The following AFF2 variants were observed in gnomAD, a reference collection of about 807,000 sequenced individuals.
The protein encoded by AFF2 is ALF transcription elongation factor 2, also known as AF4/FMR2 family member 2.
In AFF2, 14 loss-of-function variants were observed where a neutral mutation model predicts 76.9. The ratio of observed to expected loss-of-function variants is 0.18; its 90% CI spans 0.12 to 0.28. AFF2 has a LOEUF of 0.28. Among genes scored for constraint, AFF2 ranks in the 10% least tolerant of loss-of-function variants. AFF2 has a pLI of 1.00. For missense variants in AFF2, 868 were observed against 1,001.1 expected (o/e 0.87, Z 1.79); for synonymous variants, 398 against 366.7 (o/e 1.09, Z -0.98).
At chrX:148,534,707 G>A (rs1423936076) in intron 1 of AFF2, among the ~76,000 whole-genome samples, 1 of 112,536 alleles carries the variant, frequency 8.9e-6, no homozygotes, top group Non-Finnish European at 1.9e-5. Flanking sequence ...TATTAATGAT[G>A]ACAGAAAGAA....
intron 5 of AFF2, among the ~76,000 whole-genome samples, chrX:148,841,130 C>T (rs185338615): frequency 1.4e-4 from 16 of 111,632 alleles, no homozygotes; most frequent in Non-Finnish European, 5.7e-5. Flanking sequence ...AAGACCAGTA[C>T]AAAGACGGCC....
chrX:148,764,912 G>C (rs1209999844), intron 3 of AFF2, among the ~76,000 whole-genome samples: 1 of 112,254 alleles, frequency 8.9e-6, no homozygotes, highest in African/African-American at 3.2e-5. Flanking sequence ...CCCTTGACTG[G>C]GGGACTTTTC....
At chrX:148,864,074 C>T (rs2070879243) in intron 7 of AFF2, among the ~76,000 whole-genome samples, 1 of 111,461 alleles carries the variant, frequency 9.0e-6, no homozygotes, top group Non-Finnish European at 1.9e-5. Flanking sequence ...ATTGGTAAGC[C>T]TCAGTGTACT....
intron 1 of AFF2, among the ~76,000 whole-genome samples, chrX:148,609,695 C>G (rs1213424226): frequency 1.8e-5 from 2 of 111,655 alleles, no homozygotes; most frequent in Non-Finnish European, 3.8e-5. Flanking sequence ...TCAGTATGTG[C>G]GTTATAACCA....
rs781892198 is a variant in AFF2, at chrX:148,692,981, C to T, written c.1041+30213C>T. ...TCGCCCAGGCTGGAGTGCAGTGGCG[C>T]GATCTCGGCTCACTACAAGCTCCAC... On this transcript the variant is annotated intron_variant, in intron 3 of 20. Transcript: ENST00000370460. Among the ~76,000 whole-genome samples, 26 of 111,037 alleles carry T rather than the reference C, an allele frequency of 2.3e-4. No homozygotes were observed. The East Asian group carries it at 4.8e-3, about 21-fold the overall frequency.
chrX:148,877,763 C>G (rs2071051789), intron 7 of AFF2, among the ~76,000 whole-genome samples: 1 of 111,802 alleles, frequency 8.9e-6, no homozygotes, highest in African/African-American at 3.3e-5. Context: ...GGTCCTTGCC[C>G]CCATTGAGTT....
At chrX:148,653,091 C>T (rs1321604055) in intron 2 of AFF2, among the ~76,000 whole-genome samples, 3 of 110,949 alleles carry the variant, frequency 2.7e-5, no homozygotes, top group African/African-American at 9.8e-5. Flanking sequence ...CTGGTGAGAC[C>T]AGGTTCTTGT....
intron 1 of AFF2, among the ~76,000 whole-genome samples, chrX:148,568,906 C>T (rs782064986): frequency 7.2e-5 from 8 of 111,399 alleles, no homozygotes; most frequent in African/African-American, 2.0e-4. Context: ...GAGCATATTT[C>T]GTAATCTATA....
rs782445759 is a variant in AFF2 at position 148,786,271 on chromosome X, C to T, written c.1042-23605C>T. On this transcript the variant is annotated intron_variant, in intron 3 of 20. Coordinates refer to ENST00000370460, the MANE Select transcript of AFF2 (RefSeq NM_002025.4). Reference sequence around the variant, plus strand: ...GCCATTGAGTATTGTTCATGCCTTCCTCTTCTCATTTTCTATAGTCTGCCT... The same window carrying T: ...GCCATTGAGTATTGTTCATGCCTTCTTCTTCTCATTTTCTATAGTCTGCCT... Among the ~76,000 whole-genome samples the T allele has an allele frequency of 2.7e-5, 3 of 111,755 alleles. No individual in the cohort carries two copies. In the South Asian group the frequency reaches 1.1e-3, roughly 42 times the overall value.
At chrX:148,661,314 C>T (rs2054301862) in intron 2 of AFF2, among the ~76,000 whole-genome samples, 1 of 112,412 alleles carries the variant, frequency 8.9e-6, no homozygotes, top group East Asian at 2.8e-4. Context: ...GTAATTCATA[C>T]AGTTCTTTGA....
intron 3 of AFF2, among the ~76,000 whole-genome samples, chrX:148,777,372 G>T (rs1278895221): frequency 8.9e-6 from 1 of 111,922 alleles, no homozygotes; most frequent in Non-Finnish European, 1.9e-5. Context: ...ATTTAAAGTA[G>T]TTTTTTCTAA....
At chrX:148,796,861 A>G (rs2069990489) in intron 3 of AFF2, among the ~76,000 whole-genome samples, 1 of 112,310 alleles carries the variant, frequency 8.9e-6, no homozygotes, top group South Asian at 3.7e-4. Context: ...TATTTTCACT[A>G]CCATTTAGCA....
chrX:148,913,173 T>C (rs2071490337), intron 9 of AFF2, among the ~76,000 whole-genome samples: 1 of 112,137 alleles, frequency 8.9e-6, no homozygotes, highest in South Asian at 3.7e-4. Flanking sequence ...ATCTAGGCAA[T>C]CTCAGATGAG....
chrX:148,551,200 C>T (rs1379089633), intron 1 of AFF2, among the ~76,000 whole-genome samples: 1 of 110,427 alleles, frequency 9.1e-6, no homozygotes, highest in South Asian at 3.8e-4. Flanking sequence ...CTACACTACT[C>T]TCTTCTCTTT....
intron 3 of AFF2, among the ~76,000 whole-genome samples, chrX:148,752,945 C>CA (rs1246773567): frequency 9.0e-6 from 1 of 111,645 alleles, no homozygotes; most frequent in Non-Finnish European, 1.9e-5. Context: ...CATTAAAACT[C>CA]AATCTTTTCT....
rs28520338 is a variant in AFF2, at chrX:148,886,445, A to G, written c.1359+460A>G. On this transcript the variant is annotated intron_variant, in intron 8 of 20. Transcript: ENST00000370460. ...GAATGCAGCTGAGAATCAATACGCA[A>G]CATCTTGCCATTAAATGAACCTTTA... is the stretch of plus-strand genomic sequence containing the variant. 3.2e-3 allele frequency among the ~76,000 whole-genome samples: 361 copies of G among 111,993 alleles called. 2 individuals carry two copies. The highest frequency in any genetic ancestry group is 0.011 in the African/African-American group (348 of 30,854).
At chrX:148,836,442 T>C (rs1217853487) in intron 4 of AFF2, among the ~76,000 whole-genome samples, 1 of 111,697 alleles carries the variant, frequency 9.0e-6, no homozygotes, top group Non-Finnish European at 1.9e-5. Context: ...TGAGAGTTCT[T>C]ATTAATATTA....
chrX:148,998,211 T>C lies in AFF2; in HGVS notation c.*6879T>C, dbSNP rs1245330775. On this transcript the variant is annotated 3_prime_UTR_variant, in exon 21 of 21. Coordinates refer to ENST00000370460, the MANE Select transcript of AFF2 (RefSeq NM_002025.4). ...ATCCTGCAAAGAAGAGATTGGTTTA[T>C]TTTCTTTTCTGGTGGTGGTAGTGGT... 2 of 111,859 alleles carry C rather than the reference T, an allele frequency of 1.8e-5. No homozygotes were observed. Among genetic ancestry groups the C allele is most frequent in the East Asian group, 5.6e-4 (2 of 3,545 alleles). The allele number at this position is 111,859 out of a possible 1,213,427, so 9.2% of individuals were successfully genotyped here. A position where few individuals can be genotyped will look rare whatever the true frequency, so the allele number is the denominator to read the frequency against.
intron 3 of AFF2, among the ~76,000 whole-genome samples, chrX:148,789,791 G>A (rs1557269806): frequency 1.8e-5 from 2 of 111,428 alleles, no homozygotes. Flanking sequence ...ATTGTTAATC[G>A]GTATAATCAA....
Sources: gnomAD v4.1 joint callset for allele counts (sites outside exome capture counted in the v4.1 genomes callset) on GRCh38, gnomAD v4.1.1 for gene constraint, MANE v1.5 for transcripts, NCBI Gene and HGNC (gene_info 2026-07-23, HGNC 2026-07-21) for gene names.